SPATA6L: variants seen among roughly 807,000 people sequenced by gnomAD.
SPATA6L encodes the protein spermatogenesis associated 6-like protein.
In SPATA6L, 68 loss-of-function variants were observed where a neutral mutation model predicts 49.2. The ratio of observed to expected loss-of-function variants is 1.38; its 90% CI spans 1.14 to 1.69. The LOEUF is 1.69. Ranked by LOEUF, SPATA6L falls within the 40% of genes most tolerant of loss-of-function variation. The probability of loss-of-function intolerance (pLI) is 0.00; values close to 1 mark genes in which losing one functional copy is unlikely to be tolerated. For synonymous variants in SPATA6L, 198 were observed against 165.7 expected, an observed-to-expected ratio of 1.19 and a Z score of -1.50; for missense variants, 668 against 464.3, an observed-to-expected ratio of 1.44 and a Z score of -4.03.
chr9:4,648,923 G>A (rs1041066462), intron 3 of SPATA6L, among the ~76,000 whole-genome samples: 2 of 152,002 alleles, frequency 1.3e-5, no homozygotes, highest in Non-Finnish European at 2.9e-5. Context: ...GAGAATATAC[G>A]ATGTTTGATT....
At chr9:4,627,504 G>T in intron 5 of SPATA6L, 1 of 322,324 alleles carries the variant, frequency 3.1e-6, no homozygotes, top group Non-Finnish European at 6.0e-6. Flanking sequence ...TGAGATCTGG[G>T]ATAAGCATTT....
At chr9:4,642,365 G>T (rs556057456) in intron 3 of SPATA6L, among the ~76,000 whole-genome samples, 9 of 152,280 alleles carry the variant, frequency 5.9e-5, no homozygotes, top group African/African-American at 2.2e-4. Context: ...TCACTTTTAG[G>T]CTGAAAAACA....
chr9:4,589,132 C>T (rs1170728341), intron 13 of SPATA6L, among the ~76,000 whole-genome samples: 5 of 152,204 alleles, frequency 3.3e-5, no homozygotes, highest in Non-Finnish European at 5.9e-5. Context: ...TGCCAACAAC[C>T]GAAACCTTGG....
chr9:4,646,388 T>G, intron 3 of SPATA6L: 1 of 720,092 alleles, frequency 1.4e-6, no homozygotes, highest in Non-Finnish European at 2.2e-6. Context: ...GTATGTTATT[T>G]TCAAACACAA....
At chr9:4,610,683 C>G (rs1476694942) in intron 9 of SPATA6L, among the ~76,000 whole-genome samples, 1 of 152,136 alleles carries the variant, frequency 6.6e-6, no homozygotes, top group Non-Finnish European at 1.5e-5. Context: ...AGACCTAAAA[C>G]CATAAAAACC....
chr9:4,616,466 C>G (rs914441132), intron 9 of SPATA6L, among the ~76,000 whole-genome samples: 4 of 152,148 alleles, frequency 2.6e-5, no homozygotes, highest in Non-Finnish European at 4.4e-5. Flanking sequence ...CTGTGCTTTG[C>G]CAGCCTGCTG....
At position 4,605,405 on chromosome 9, in the gene SPATA6L, A is replaced by C; in HGVS notation, c.1031T>G (p.Ile344Ser). The change falls in exon 10 of 12, where the codon ATC becomes AGC. Residue 344 changes from isoleucine to serine, a missense_variant. Physicochemically the swap from Ile to Ser is moderately radical, Grantham distance 142 (BLOSUM62 -2). Coordinates refer to ENST00000682582, the MANE Select transcript of SPATA6L (RefSeq NM_001353486.2). The stretch of plus-strand genomic sequence containing the variant: ...CAGAAGACTGCATACCCTCTCATGG[A>C]TATTCTTCCATGTGGACTGAGAACC... ...HPGSQSTWKN[I>S]HERVCSLLTS... 1 of 1,614,162 alleles carries C rather than the reference A, an allele frequency of 6.2e-7. No homozygotes were observed. Among genetic ancestry groups the C allele is most frequent in the Non-Finnish European group, 8.5e-7 (1 of 1,180,006 alleles).
At chr9:4,611,687 C>T (rs1228643733) in intron 9 of SPATA6L, among the ~76,000 whole-genome samples, 11 of 150,584 alleles carry the variant, frequency 7.3e-5, no homozygotes, top group South Asian at 4.2e-4. Context: ...GTGGGAGATA[C>T]ACCTAATGCT....
chr9:4,624,379 C>G (rs1387565587), intron 6 of SPATA6L, among the ~76,000 whole-genome samples: 1 of 152,090 alleles, frequency 6.6e-6, no homozygotes, highest in African/African-American at 2.4e-5. Context: ...GCTGGTGACC[C>G]AATGGATAAA....
intron 2 of SPATA6L, among the ~76,000 whole-genome samples, chr9:4,659,816 G>C (rs1221482339): frequency 6.6e-6 from 1 of 152,104 alleles, no homozygotes; most frequent in Non-Finnish European, 1.5e-5. Context: ...GCACAGTACT[G>C]GTACCAAAAC....
At chr9:4,658,078 G>A (rs953267190) in intron 2 of SPATA6L, among the ~76,000 whole-genome samples, 3 of 152,158 alleles carry the variant, frequency 2.0e-5, no homozygotes, top group African/African-American at 7.2e-5. Flanking sequence ...CTTCCCTAGT[G>A]CCTTTAAAAG....
intron 9 of SPATA6L, among the ~76,000 whole-genome samples, chr9:4,607,310 C>T (rs1049440369): frequency 9.9e-5 from 15 of 152,146 alleles, no homozygotes; most frequent in South Asian, 6.2e-4. Context: ...AAAGATACTC[C>T]TCGAGAAGAG....
chr9:4,607,446 T>C (rs1158616538), intron 9 of SPATA6L, among the ~76,000 whole-genome samples: 1 of 152,234 alleles, frequency 6.6e-6, no homozygotes, highest in Non-Finnish European at 1.5e-5. Flanking sequence ...AGCGGATCTC[T>C]TGGCAGAAAC....
chr9:4,620,753 A>T (rs560234154), intron 7 of SPATA6L, among the ~76,000 whole-genome samples: 37 of 152,322 alleles, frequency 2.4e-4, no homozygotes, highest in Middle Eastern at 3.4e-3. Flanking sequence ...GATTAAGAAA[A>T]GACAAAGGCC....
intron 8 of SPATA6L, among the ~76,000 whole-genome samples, chr9:4,618,434 C>T (rs181637527): frequency 3.3e-5 from 5 of 152,236 alleles, no homozygotes; most frequent in South Asian, 4.1e-4. Context: ...AATATTTAAG[C>T]GCTATGGCAT....
intron 9 of SPATA6L, among the ~76,000 whole-genome samples, chr9:4,612,540 C>G (rs1174724786): frequency 6.6e-6 from 1 of 152,218 alleles, no homozygotes; most frequent in Non-Finnish European, 1.5e-5. Flanking sequence ...TCTGAGCCCT[C>G]TCCTGTAGAG....
chr9:4,659,551 A>C (rs6476890), intron 2 of SPATA6L, among the ~76,000 whole-genome samples: 2 of 151,726 alleles, frequency 1.3e-5, no homozygotes, highest in Non-Finnish European at 2.9e-5. Flanking sequence ...ACGGAAGAAG[A>C]TTCCATGCTC....
intron 3 of SPATA6L, among the ~76,000 whole-genome samples, chr9:4,639,258 A>C (rs1441033667): frequency 3.3e-5 from 5 of 152,148 alleles, no homozygotes; most frequent in Non-Finnish European, 7.3e-5. Flanking sequence ...ACCTAGATGC[A>C]TGATATGATG....
intron 3 of SPATA6L, among the ~76,000 whole-genome samples, chr9:4,646,796 C>T (rs746116766): frequency 2.0e-5 from 3 of 152,000 alleles, no homozygotes. Flanking sequence ...GATCTGGAGG[C>T]CATTATCAAA....
Sources: gnomAD v4.1 joint callset for allele counts (sites outside exome capture counted in the v4.1 genomes callset) on GRCh38, gnomAD v4.1.1 for gene constraint, MANE v1.5 for transcripts, NCBI Gene and HGNC (gene_info 2026-07-23, HGNC 2026-07-21) for gene names.